The following PRR11 variants were observed in gnomAD, a reference collection of about 807,000 sequenced individuals.
PRR11 encodes proline-rich protein 11.
Under a neutral mutation model 45.6 loss-of-function variants are expected in PRR11, and 30 were observed. The observed-to-expected ratio is 0.66, with a 90% CI of 0.49 to 0.89. The LOEUF (loss-of-function observed/expected upper bound fraction) is 0.89. PRR11 is among the 40% of genes least tolerant of loss of function. PRR11 has a pLI of 0.00. For missense variants in PRR11, 373 were observed against 424.8 expected (o/e 0.88, Z 1.07); for synonymous variants, 128 against 153.5 (o/e 0.83, Z 1.23).
At chr17:59,172,913 C>T (rs1360028842) in intron 2 of PRR11, among the ~76,000 whole-genome samples, 3 of 152,222 alleles carry the variant, frequency 2.0e-5, no homozygotes, top group Non-Finnish European at 4.4e-5. Context: ...GGGCACATGG[C>T]GCAGGGCTGG....
At chr17:59,180,519 G>GTTTGTTTTTT (rs1555716468) in intron 2 of PRR11, among the ~76,000 whole-genome samples, 5 of 122,928 alleles carry the variant, frequency 4.1e-5, no homozygotes, top group African/African-American at 1.8e-4. Context: ...TGTTTTTTTT[G>GTTTGTTTTTT]TTTTTTTTGC....
intron 4 of PRR11, 23 bp from the exon 5 acceptor site, chr17:59,193,469 C>T (rs771949854): frequency 1.2e-6 from 2 of 1,612,784 alleles, no homozygotes; most frequent in Middle Eastern, 1.7e-4. Context: ...TATTTATTTG[C>T]CAAATGTGAT....
Position 59,203,899 on chromosome 17 carries a change from A to T in PRR11, c.*2268A>T, listed in dbSNP as rs1004181361. ...GAGATATATATCAGCTTCTAGTAAAAGTTTTTTTTTTTAAACCTGCTAGCT... is the reference window on the plus strand; with the variant it reads ...GAGATATATATCAGCTTCTAGTAAATGTTTTTTTTTTTAAACCTGCTAGCT... On this transcript the variant is annotated 3_prime_UTR_variant, in exon 10 of 10. Transcript: ENST00000262293. 6.6e-6 allele frequency: 1 copy of T among 151,902 alleles called. No homozygotes were observed. Among genetic ancestry groups the T allele is most frequent in the African/African-American group, 2.4e-5 (1 of 41,340 alleles). The allele number at this position is 151,902 out of a possible 1,614,324, so 9.4% of individuals were successfully genotyped here.
intron 9 of PRR11, 143 bp from the exon 10 acceptor site, chr17:59,201,420 C>A: frequency 1.3e-6 from 1 of 761,050 alleles, no homozygotes; most frequent in Non-Finnish European, 2.2e-6. Flanking sequence ...CTTCTGATTG[C>A]ATCAGGGAAA....
At chr17:59,183,302 C>T (rs368552166) in intron 2 of PRR11, among the ~76,000 whole-genome samples, 3 of 152,264 alleles carry the variant, frequency 2.0e-5, no homozygotes, top group East Asian at 3.9e-4. Context: ...GGGGTCTCCT[C>T]TTCTCTGTAC....
intron 2 of PRR11, chr17:59,179,924 A>G: frequency 7.7e-7 from 1 of 1,299,828 alleles, no homozygotes; most frequent in Non-Finnish European, 1.1e-6. Flanking sequence ...CTGCAATTGA[A>G]CTCCTTAGAG....
rs1216326976 is a variant in PRR11, at chr17:59,197,621, C to G, written c.917+18C>G. 2 of 1,612,062 alleles carry G rather than the reference C, an allele frequency of 1.2e-6. No individual in the cohort carries two copies. The highest frequency in any genetic ancestry group is 4.5e-5 in the East Asian group (2 of 44,872). ...GTAGAGAGGTAATACACTCTCATATCTTTATGCCTTCTACGTCCATTTTAA... is the reference window on the plus strand; with the variant it reads ...GTAGAGAGGTAATACACTCTCATATGTTTATGCCTTCTACGTCCATTTTAA... On this transcript the variant is annotated intron_variant, in intron 8 of 9. Transcript: ENST00000262293.
intron 1 of PRR11, among the ~76,000 whole-genome samples, chr17:59,162,239 C>A (rs551170955): frequency 6.6e-6 from 1 of 151,904 alleles, no homozygotes; most frequent in Non-Finnish European, 1.5e-5. Context: ...CACACACACA[C>A]ACACACACAC....
At chr17:59,162,250 A>AC (rs3060756) in intron 1 of PRR11, among the ~76,000 whole-genome samples, 1 of 143,460 alleles carries the variant, frequency 7.0e-6, no homozygotes. Context: ...ACACACACAC[A>AC]GAGAGAGAGA....
At chr17:59,157,086 A>G (rs1787393384) in intron 1 of PRR11, among the ~76,000 whole-genome samples, 1 of 152,254 alleles carries the variant, frequency 6.6e-6, no homozygotes, top group Non-Finnish European at 1.5e-5. Flanking sequence ...GTATGATATG[A>G]AGAAGTAAAA....
At chr17:59,178,115 C>G (rs1306520510) in intron 2 of PRR11, among the ~76,000 whole-genome samples, 2 of 151,982 alleles carry the variant, frequency 1.3e-5, no homozygotes, top group African/African-American at 4.8e-5. Context: ...AAGCGGAACA[C>G]CTGAGGTCAG....
At chr17:59,182,646 G>A (rs559663859) in intron 2 of PRR11, among the ~76,000 whole-genome samples, 51 of 151,828 alleles carry the variant, frequency 3.4e-4, no homozygotes, top group African/African-American at 1.2e-3. Flanking sequence ...ATCCGCCTCG[G>A]CCTCCCAAAG....
rs1230628416 is a variant in PRR11 at position 59,205,772 on chromosome 17, A to C, written c.*4141A>C. On this transcript the variant is annotated 3_prime_UTR_variant, in exon 10 of 10. Coordinates refer to ENST00000262293, the MANE Select transcript of PRR11 (RefSeq NM_018304.4). The stretch of plus-strand genomic sequence containing the variant: ...AAAATTATAGGCTTGGGGGCCAGGC[A>C]CAGTGGCTCACACCTGTAATCCCAG... Among the ~76,000 whole-genome samples the C allele has an allele frequency of 6.7e-6, 1 of 148,600 alleles. No homozygotes were observed. Among genetic ancestry groups the C allele is most frequent in the Non-Finnish European group, 1.5e-5 (1 of 67,180 alleles).
At chr17:59,176,548 C>T (rs2147842572) in intron 2 of PRR11, among the ~76,000 whole-genome samples, 1 of 152,142 alleles carries the variant, frequency 6.6e-6, no homozygotes, top group Non-Finnish European at 1.5e-5. Flanking sequence ...GACAGAAGAA[C>T]CAGAAATGTC....
At chr17:59,193,427 G>T in intron 4 of PRR11, 65 bp from the exon 5 acceptor site, 1 of 1,584,836 alleles carries the variant, frequency 6.3e-7, no homozygotes, top group South Asian at 1.1e-5. Context: ...TTATTTTGAT[G>T]ACTCTCACCC....
At chr17:59,191,981 G>A (rs566420704) in intron 4 of PRR11, among the ~76,000 whole-genome samples, 9 of 152,284 alleles carry the variant, frequency 5.9e-5, no homozygotes, top group Admixed American at 4.6e-4. Flanking sequence ...TGAATACATG[G>A]CAGCCTCCAA....
chr17:59,164,878 CAA>C (rs1164045099), intron 1 of PRR11, among the ~76,000 whole-genome samples: 11 of 130,094 alleles, frequency 8.5e-5, no homozygotes, highest in African/African-American at 5.7e-5. Flanking sequence ...GACCGTGTCT[CAA>C]AAAAAAAAAA....
At chr17:59,160,365 GTTGT>G (rs1318312518) in intron 1 of PRR11, among the ~76,000 whole-genome samples, 6 of 152,238 alleles carry the variant, frequency 3.9e-5, no homozygotes, top group East Asian at 1.9e-4. Flanking sequence ...ACTTCCTCTT[GTTGT>G]TTGTTTGTTT....
chr17:59,200,063 G>A (rs1046749549), intron 9 of PRR11, among the ~76,000 whole-genome samples: 1 of 152,114 alleles, frequency 6.6e-6, no homozygotes, highest in Non-Finnish European at 1.5e-5. Flanking sequence ...ATGGATAAAC[G>A]ATAATAAATT....
Sources: allele counts gnomAD v4.1 joint callset (sites outside exome capture counted in the v4.1 genomes callset), GRCh38; gene constraint gnomAD v4.1.1; transcripts MANE v1.5; gene names NCBI Gene and HGNC (gene_info 2026-07-23, HGNC 2026-07-21).